Variants in AP4E1 observed in about 807,000 individuals in gnomAD.
AP4E1 encodes the protein adaptor related protein complex 4 subunit epsilon 1, also known as AP-4 complex subunit epsilon-1.
AP4E1 carries 56 observed loss-of-function variants against 128.2 expected under a neutral mutation model. The observed-to-expected ratio is 0.44, with a 90% CI of 0.35 to 0.55. AP4E1 has a LOEUF of 0.55. AP4E1 is among the 20% of genes least tolerant of loss of function. The pLI, the probability that AP4E1 is intolerant of heterozygous loss-of-function variation, is 0.00. For missense variants in AP4E1, 1,324 were observed against 1,307.7 expected (o/e 1.01, Z -0.19); for synonymous variants, 484 against 473.1 (o/e 1.02, Z -0.30).
chr15:50,983,620 C>T (rs555569845), intron 15 of AP4E1, among the ~76,000 whole-genome samples: 57 of 152,230 alleles, frequency 3.7e-4, no homozygotes, highest in Non-Finnish European at 7.4e-4. Context: ...CCATTTGGTA[C>T]GAGAATGTAC....
chr15:50,910,338 A>G (rs116159461), intron 1 of AP4E1, among the ~76,000 whole-genome samples: 2,153 of 152,300 alleles, frequency 0.014, 61 homozygotes, highest in African/African-American at 0.05. Context: ...CACAGCTACA[A>G]GGAGTTTATA....
chr15:50,982,125 T>A (rs1384049970), intron 15 of AP4E1, among the ~76,000 whole-genome samples: 1 of 141,572 alleles, frequency 7.1e-6, no homozygotes, highest in Admixed American at 7.1e-5. Flanking sequence ...TTCAGCCCTC[T>A]CTTGCTCTTG....
At chr15:50,980,106 T>C (rs1238737227) in intron 15 of AP4E1, among the ~76,000 whole-genome samples, 1 of 152,208 alleles carries the variant, frequency 6.6e-6, no homozygotes, top group East Asian at 1.9e-4. Flanking sequence ...TAAGTGTTCA[T>C]GATCAGAAAG....
chr15:50,948,288 C>A (rs979835539), intron 11 of AP4E1, 129 bp downstream of exon 11: 56 of 1,103,488 alleles, frequency 5.1e-5, no homozygotes, highest in East Asian at 2.0e-4. Context: ...TCCTGATTTT[C>A]AAGCCTCTCT....
intron 15 of AP4E1, among the ~76,000 whole-genome samples, chr15:50,975,612 C>T (rs2064540611): frequency 1.3e-5 from 2 of 152,146 alleles, no homozygotes; most frequent in South Asian, 4.2e-4. Flanking sequence ...ACTATACATG[C>T]TTGGATTTAT....
chr15:50,908,574 C>A (rs1258847391), upstream of AP4E1: 6 of 569,904 alleles, frequency 1.1e-5, no homozygotes, highest in Non-Finnish European at 1.6e-5. Context: ...GAGCGAGCGG[C>A]CTTTTCCACC....
chr15:50,993,281 G>T, intron 16 of AP4E1, 89 bp from the exon 17 acceptor site: 1 of 1,364,072 alleles, frequency 7.3e-7, no homozygotes, highest in East Asian at 2.3e-5. Context: ...AAAAGGCCAT[G>T]GGCATTGATA....
intron 16 of AP4E1, among the ~76,000 whole-genome samples, chr15:50,987,205 T>C (rs1350526323): frequency 2.0e-5 from 3 of 151,996 alleles, no homozygotes; most frequent in East Asian, 3.9e-4. Flanking sequence ...CTTTTTTTAT[T>C]AGTCTTGCTA....
intron 15 of AP4E1, among the ~76,000 whole-genome samples, chr15:50,974,871 T>C (rs558424495): frequency 6.6e-6 from 1 of 151,660 alleles, no homozygotes; most frequent in South Asian, 2.1e-4. Flanking sequence ...AGGTTATTAG[T>C]TAAAAAAAAA....
intron 10 of AP4E1, among the ~76,000 whole-genome samples, chr15:50,943,413 A>G (rs1481738347): frequency 8.5e-5 from 13 of 152,290 alleles, no homozygotes; most frequent in African/African-American, 3.1e-4. Context: ...TTGCCTTCAT[A>G]TATATTTATT....
chr15:50,977,221 C>T (rs1297904637), intron 15 of AP4E1, among the ~76,000 whole-genome samples: 2 of 152,086 alleles, frequency 1.3e-5, no homozygotes, highest in Non-Finnish European at 2.9e-5. Context: ...TTTCAGGTAT[C>T]TGGGGGCCAC....
intron 19 of AP4E1, 133 bp from the exon 20 acceptor site, chr15:51,000,893 G>C (rs1035400742): frequency 1.4e-6 from 1 of 707,052 alleles, no homozygotes; most frequent in Middle Eastern, 3.9e-4. Context: ...AGCATATTTG[G>C]TTTAAAGACA....
In AP4E1 at chr15:50,912,168, T is replaced by C; in HGVS notation, c.222+19T>C. ...AACACTGGTAGGTTTGCATAGTCAG[T>C]GCCAACACATTTGAATTTGAAATCT... On this transcript the variant is annotated intron_variant, in intron 2 of 20. Coordinates refer to ENST00000261842, the MANE Select transcript of AP4E1 (RefSeq NM_007347.5). 6.3e-7 allele frequency: 1 copy of C among 1,595,412 alleles called. No homozygotes were observed. The highest frequency in any genetic ancestry group is 8.6e-7 in the Non-Finnish European group (1 of 1,169,522).
At chr15:50,958,421 G>T in intron 13 of AP4E1, 71 bp from the exon 14 acceptor site, 1 of 1,319,352 alleles carries the variant, frequency 7.6e-7, no homozygotes, top group Non-Finnish European at 1.1e-6. Context: ...TAGGTACTTT[G>T]TTTAGATTTT....
upstream of AP4E1, among the ~76,000 whole-genome samples, chr15:50,908,251 C>T (rs1217408608): frequency 1.3e-5 from 2 of 152,316 alleles, no homozygotes; most frequent in Admixed American, 6.5e-5. Context: ...GTCGCCAGGG[C>T]CGGAGCCGCG....
chr15:50,966,059 A>G lies in AP4E1; in HGVS notation c.1852-2204A>G, dbSNP rs544588032. 1.5e-4 allele frequency among the ~76,000 whole-genome samples: 23 copies of G among 152,186 alleles called. 1 individual carries two copies. Among genetic ancestry groups the G allele is most frequent in the African/African-American group, 5.3e-4 (22 of 41,506 alleles). ...CAGCTTCCTGAGTAGCTGGGACTAC[A>G]GGTGCGCGCCACCACGCCTGGCTAA... On this transcript the variant is annotated intron_variant, in intron 14 of 20. Transcript: ENST00000261842.
At chr15:50,928,088 C>T (rs1225952162) in intron 5 of AP4E1, among the ~76,000 whole-genome samples, 1 of 152,104 alleles carries the variant, frequency 6.6e-6, no homozygotes, top group South Asian at 2.1e-4. Context: ...ATATACTTTT[C>T]TCTTTATTAT....
chr15:50,971,634 T>C (rs55735813), intron 15 of AP4E1, among the ~76,000 whole-genome samples: 1 of 152,060 alleles, frequency 6.6e-6, no homozygotes, highest in Non-Finnish European at 1.5e-5. Context: ...TTCATTTTTT[T>C]AAAAATTATT....
chr15:50,978,989 C>T (rs1048774906), intron 15 of AP4E1, among the ~76,000 whole-genome samples: 1 of 152,244 alleles, frequency 6.6e-6, no homozygotes, highest in East Asian at 1.9e-4. Flanking sequence ...GGAATTGATA[C>T]TTTTTTCTGC....
Sources: gnomAD v4.1 joint callset for allele counts (sites outside exome capture counted in the v4.1 genomes callset) on GRCh38, gnomAD v4.1.1 for gene constraint, MANE v1.5 for transcripts, NCBI Gene and HGNC (gene_info 2026-07-23, HGNC 2026-07-21) for gene names.